The following ITGA1 variants were observed in gnomAD, a reference collection of about 807,000 sequenced individuals.
The protein encoded by ITGA1 is integrin alpha-1.
A neutral mutation model predicts 145.9 loss-of-function variants in ITGA1; 85 were observed. That is an observed-to-expected ratio of 0.58 (90% confidence interval 0.49 to 0.70). ITGA1 has a LOEUF of 0.70. ITGA1 is among the 30% of genes least tolerant of loss of function. The probability of loss-of-function intolerance (pLI) is 0.00; values close to 1 mark genes in which losing one functional copy is unlikely to be tolerated. For missense variants in ITGA1, 1,351 were observed against 1,418.7 expected (o/e 0.95, Z 0.77); for synonymous variants, 520 against 495.3 (o/e 1.05, Z -0.66).
At chr5:52,896,939 T>C (rs1750235901) in intron 9 of ITGA1, among the ~76,000 whole-genome samples, 1 of 152,194 alleles carries the variant, frequency 6.6e-6, no homozygotes, top group Non-Finnish European at 1.5e-5. Flanking sequence ...CTAAACCCTT[T>C]ATCACACAAT....
chr5:52,821,221 T>A (rs1034793946), intron 1 of ITGA1, among the ~76,000 whole-genome samples: 2 of 152,214 alleles, frequency 1.3e-5, no homozygotes, highest in Non-Finnish European at 2.9e-5. Context: ...TAAGGATGAC[T>A]GTGACGGCCT....
chr5:52,800,145 A>G (rs1407962782), intron 1 of ITGA1: 2 of 522,790 alleles, frequency 3.8e-6, no homozygotes, highest in South Asian at 2.1e-5. Context: ...GTGTAGGGGT[A>G]GATTTTCGCT....
intron 1 of ITGA1, among the ~76,000 whole-genome samples, chr5:52,820,008 TCTGTTTTGGTACCAGTACCATG>T: frequency 6.6e-6 from 1 of 151,806 alleles, no homozygotes; most frequent in African/African-American, 2.4e-5. Flanking sequence ...GGTCTATATC[TCTGTTTTGGTACCAGTACCATG>T]CTGTTTTGGT....
intron 17 of ITGA1, 65 bp from the exon 18 acceptor site, chr5:52,922,712 C>T (rs2111875166): frequency 1.0e-6 from 1 of 996,148 alleles, no homozygotes; most frequent in Non-Finnish European, 1.6e-6. Context: ...AAGAAGGAGA[C>T]ATAACAAGAT....
chr5:52,934,074 A>AAAAT (rs1387773709), intron 23 of ITGA1, 78 bp downstream of exon 23: 1 of 447,660 alleles, frequency 2.2e-6, no homozygotes, highest in Non-Finnish European at 3.8e-6. Flanking sequence ...CAGACACATA[A>AAAAT]AAATATGTTG....
chr5:52,791,170 T>C (rs1748230511), intron 1 of ITGA1, among the ~76,000 whole-genome samples: 1 of 152,222 alleles, frequency 6.6e-6, no homozygotes, highest in African/African-American at 2.4e-5. Flanking sequence ...TGTCAAAGTC[T>C]CAGCATAAAC....
intron 27 of ITGA1, among the ~76,000 whole-genome samples, chr5:52,945,397 G>A (rs141047272): frequency 1.2e-3 from 186 of 152,162 alleles, no homozygotes; most frequent in African/African-American, 4.2e-3. Flanking sequence ...AAGAGCAGCC[G>A]CAAAAAACAA....
chr5:52,922,679 G>A, intron 17 of ITGA1, 98 bp from the exon 18 acceptor site: 1 of 777,938 alleles, frequency 1.3e-6, no homozygotes, highest in African/African-American at 1.7e-5. Context: ...GAATGCTGCA[G>A]TAAGCCTGAC....
intron 11 of ITGA1, chr5:52,902,905 A>G (rs1283059971): frequency 6.6e-6 from 1 of 151,978 alleles, no homozygotes; most frequent in African/African-American, 2.4e-5. Context: ...TTTCTTTTTC[A>G]GGAAACACTA....
At chr5:52,800,715 C>A in intron 1 of ITGA1, 1 of 1,614,242 alleles carries the variant, frequency 6.2e-7, no homozygotes, top group South Asian at 1.1e-5. Flanking sequence ...TGGAGCCCAA[C>A]CGCCAGTTCA....
rs371386724 is a variant in ITGA1 at position 52,942,697 on chromosome 5, A to ATT, written c.3286-2230_3286-2229dup. 2.6e-3 allele frequency among the ~76,000 whole-genome samples: 358 copies of ATT among 137,856 alleles called. 1 individual carries two copies. The highest frequency in any genetic ancestry group is 9.9e-3 in the Admixed American group (136 of 13,746). 90.4% of individuals were successfully genotyped at this position (137,856 alleles called of 152,430 possible). ...AGGCACCCACCACCATGCCCGGCTA[A>ATT]TTTTTTTTTTTTTTTTTGTATTTTT... is the stretch of plus-strand genomic sequence containing the variant. On this transcript the variant is annotated intron_variant, in intron 26 of 28. Transcript: ENST00000282588.
In ITGA1 at chr5:52,831,379, CCA is replaced by C. The variant is rs372563195; in HGVS notation, c.62-17984_62-17983del. Among the ~76,000 whole-genome samples, 1,489 of 152,082 alleles carry C rather than the reference CCA, an allele frequency of 9.8e-3. 9 individuals are homozygous for C. The highest frequency in any genetic ancestry group is 0.014 in the Non-Finnish European group (967 of 67,982). ...GAACTCCTGACCTCAAGTGATCTGC[CCA>C]CCTCAGCCTCCCAAAGTGCTGGGAT... On this transcript the variant is annotated intron_variant, in intron 1 of 28. Coordinates refer to ENST00000282588, the MANE Select transcript of ITGA1 (RefSeq NM_181501.2).
At chr5:52,838,288 A>G (rs1749195351) in intron 1 of ITGA1, among the ~76,000 whole-genome samples, 1 of 152,202 alleles carries the variant, frequency 6.6e-6, no homozygotes, top group South Asian at 2.1e-4. Context: ...TGAGAAAAAT[A>G]GTCTATTACA....
At chr5:52,815,141 T>C (rs915705158) in intron 1 of ITGA1, among the ~76,000 whole-genome samples, 5 of 152,184 alleles carry the variant, frequency 3.3e-5, no homozygotes, top group Admixed American at 3.3e-4. Context: ...GATTTCCTGC[T>C]GGGCACCAAA....
chr5:52,891,269 T>C (rs903063706), intron 8 of ITGA1, among the ~76,000 whole-genome samples: 1 of 151,268 alleles, frequency 6.6e-6, no homozygotes, highest in Non-Finnish European at 1.5e-5. Context: ...TTTCTTTTTT[T>C]TTTTTCATTT....
rs113397429 is a variant in ITGA1 at position 52,871,215 on chromosome 5, T to G, written c.624+5398T>G. ...AGACAGAACCATATGAAAGTATTGC[T>G]GTTTGATCTTTTTTTTCCCAACCTA... On this transcript the variant is annotated intron_variant, in intron 6 of 28. Coordinates refer to ENST00000282588, the MANE Select transcript of ITGA1 (RefSeq NM_181501.2). 4.5e-4 allele frequency among the ~76,000 whole-genome samples: 68 copies of G among 152,354 alleles called. 2 individuals are homozygous for G. The South Asian group carries it at 0.011, about 25-fold the overall frequency.
chr5:52,865,658 C>T (rs1352447294), intron 5 of ITGA1, 32 bp from the exon 6 acceptor site: 2 of 1,414,082 alleles, frequency 1.4e-6, no homozygotes, highest in Non-Finnish European at 1.8e-6. Flanking sequence ...AAAATAGATT[C>T]CAAATTTGAC....
chr5:52,804,922 G>A (rs969618608), intron 1 of ITGA1, among the ~76,000 whole-genome samples: 1 of 152,222 alleles, frequency 6.6e-6, no homozygotes, highest in East Asian at 1.9e-4. Flanking sequence ...TAGATATGGG[G>A]TGTAAATATT....
intron 11 of ITGA1, among the ~76,000 whole-genome samples, chr5:52,900,806 G>A (rs935627502): frequency 1.3e-5 from 2 of 151,994 alleles, no homozygotes; most frequent in African/African-American, 4.8e-5. Flanking sequence ...ATATCATTTG[G>A]GTTGTTAGAT....
Sources: gnomAD v4.1 joint callset for allele counts (sites outside exome capture counted in the v4.1 genomes callset) on GRCh38, gnomAD v4.1.1 for gene constraint, MANE v1.5 for transcripts, NCBI Gene and HGNC (gene_info 2026-07-23, HGNC 2026-07-21) for gene names.